The following TRUB1 variants were observed in gnomAD, a reference collection of about 807,000 sequenced individuals.
The protein encoded by TRUB1 is pseudouridylate synthase TRUB1.
TRUB1 carries 23 observed loss-of-function variants against 33.9 expected under a neutral mutation model. That is an observed-to-expected ratio of 0.68 (90% CI 0.49 to 0.96). The LOEUF (loss-of-function observed/expected upper bound fraction) is 0.96, where lower values mean the gene tolerates loss of function less well. Among genes scored for constraint, TRUB1 ranks in the 40% least tolerant of loss-of-function variants. The probability of loss-of-function intolerance (pLI) is 0.00; values close to 1 mark genes in which losing one functional copy is unlikely to be tolerated. For synonymous variants in TRUB1, 163 were observed against 165.4 expected (o/e 0.99, Z 0.11); for missense variants, 378 against 422.2 (o/e 0.90, Z 0.92).
intron 3 of TRUB1, among the ~76,000 whole-genome samples, chr10:114,953,341 A>G (rs1439599377): frequency 6.6e-6 from 1 of 152,210 alleles, no homozygotes. Context: ...AAAAATAGGC[A>G]TCGTTGTCTT....
rs1383943981 is a variant in TRUB1 at position 114,938,309 on chromosome 10, CCCCTGTCCTTGAAACTGCA to C, written c.57_75del (p.Pro20GlufsTer43). Reference sequence around the variant, plus strand: ...TCGCCGTCTTTGAAAACAGACACATCCCCTGTCCTTGAAACTGCAGGAACGGTCGCAGCAATGGCTGCGA... The same window carrying C: ...TCGCCGTCTTTGAAAACAGACACATCGGAACGGTCGCAGCAATGGCTGCGA... On this transcript the variant is annotated frameshift_variant, in exon 1 of 8. Transcript: ENST00000298746. LOFTEE classifies it high-confidence loss of function. 6.2e-7 allele frequency: 1 copy of C among 1,614,094 alleles called. No homozygotes were observed. The highest frequency in any genetic ancestry group is 8.5e-7 in the Non-Finnish European group (1 of 1,180,042).
chr10:114,945,611 A>G lies in TRUB1; in HGVS notation c.385+2868A>G, dbSNP rs558311705. ...TTGGCCTGTGGGCTGCACGTGGCCT[A>G]GGGCAGCTTTGAATGCAGCCCTACA... On this transcript the variant is annotated intron_variant, in intron 2 of 7. Coordinates refer to ENST00000298746, the MANE Select transcript of TRUB1 (RefSeq NM_139169.5). Among the ~76,000 whole-genome samples, 3 of 152,360 alleles carry G rather than the reference A, an allele frequency of 2.0e-5. No homozygotes were observed. The South Asian group carries it at 6.2e-4, about 32-fold the overall frequency.
At chr10:114,974,797 C>T (rs552337600) in intron 7 of TRUB1, among the ~76,000 whole-genome samples, 1 of 152,186 alleles carries the variant, frequency 6.6e-6, no homozygotes, top group African/African-American at 2.4e-5. Context: ...CATTTACTGG[C>T]AGTTGTCGCA....
At chr10:114,964,396 C>T (rs745732792) in intron 4 of TRUB1, among the ~76,000 whole-genome samples, 6 of 152,026 alleles carry the variant, frequency 3.9e-5, no homozygotes, top group Non-Finnish European at 7.4e-5. Flanking sequence ...ACCTTCCATT[C>T]GAGGATGCAT....
intron 1 of TRUB1, among the ~76,000 whole-genome samples, chr10:114,939,258 C>T (rs1028890807): frequency 4.6e-5 from 7 of 152,202 alleles, no homozygotes; most frequent in African/African-American, 1.7e-4. Context: ...CGTTAATCAG[C>T]TCGGATGATT....
intron 1 of TRUB1, among the ~76,000 whole-genome samples, chr10:114,942,212 G>C (rs2084190930): frequency 6.6e-6 from 1 of 152,174 alleles, no homozygotes; most frequent in Admixed American, 6.5e-5. Flanking sequence ...TAGGTAGCTG[G>C]AGATAGCAGC....
In TRUB1 at chr10:114,942,642, T is replaced by C. The variant is rs747477256; in HGVS notation, c.287-3T>C. ...CCTTTTTTCATCCCCATTTCTCTCA[T>C]AGAAGCTGGAATGCCTTCTCCAGAA... On this transcript the variant is annotated splice_region_variant and splice_polypyrimidine_tract_variant and intron_variant, in intron 1 of 7. Coordinates refer to ENST00000298746, the MANE Select transcript of TRUB1 (RefSeq NM_139169.5). 2.7e-5 allele frequency: 43 copies of C among 1,608,200 alleles called. No individual in the cohort carries two copies. The highest frequency in any genetic ancestry group is 3.3e-5 in the Admixed American group (2 of 59,992).
At chr10:114,955,364 A>G (rs2084257237) in intron 3 of TRUB1, among the ~76,000 whole-genome samples, 1 of 152,224 alleles carries the variant, frequency 6.6e-6, no homozygotes, top group African/African-American at 2.4e-5. Context: ...TGCTGTCTTT[A>G]TTAGTTTTCT....
chr10:114,961,221 G>A (rs60819960), intron 4 of TRUB1, among the ~76,000 whole-genome samples: 4,502 of 152,152 alleles, frequency 0.03, 217 homozygotes, highest in African/African-American at 0.1. Context: ...CAAGTCATGA[G>A]GCTCTTATAG....
rs538924906 is a variant in TRUB1, at chr10:114,974,418, T to C, written c.793+33T>C. 8.4e-6 allele frequency: 13 copies of C among 1,552,240 alleles called. No individual in the cohort carries two copies. In the Middle Eastern group the frequency reaches 5.1e-4, roughly 60 times the overall value. ...TAAAAATGAATTATGAATTATCATT[T>C]AGAGAATAATACTCCTTTTCAATTG... On this transcript the variant is annotated intron_variant, in intron 7 of 7. Transcript: ENST00000298746.
At chr10:114,941,337 CTTTT>C (rs34806644) in intron 1 of TRUB1, among the ~76,000 whole-genome samples, 1 of 147,142 alleles carries the variant, frequency 6.8e-6, no homozygotes. Context: ...TTTGCATTAT[CTTTT>C]TTTTTTTTTT....
At chr10:114,952,983 A>C (rs1432877639) in intron 3 of TRUB1, among the ~76,000 whole-genome samples, 2 of 152,218 alleles carry the variant, frequency 1.3e-5, no homozygotes, top group African/African-American at 4.8e-5. Flanking sequence ...ATAATAAAAA[A>C]GATATATTTA....
Position 114,975,573 on chromosome 10 carries a change from AGTT to A in TRUB1, c.*198_*200del. On this transcript the variant is annotated 3_prime_UTR_variant, in exon 8 of 8. Coordinates refer to ENST00000298746, the MANE Select transcript of TRUB1 (RefSeq NM_139169.5). ...TTATAAATGGCCTTGCAGTTGGCTC[AGTT>A]GTTTGTTGTGTTGTGAAATGTTTTA... The A allele has an allele frequency of 2.1e-6, 1 of 470,048 alleles. No homozygotes were observed. Among genetic ancestry groups the A allele is most frequent in the Non-Finnish European group, 3.6e-6 (1 of 275,216 alleles). 29.1% of individuals were successfully genotyped at this position (470,048 alleles called of 1,614,324 possible).
At chr10:114,957,787 A>T (rs1019343099) in intron 3 of TRUB1, among the ~76,000 whole-genome samples, 1 of 152,196 alleles carries the variant, frequency 6.6e-6, no homozygotes, top group Admixed American at 6.5e-5. Flanking sequence ...AATACTGCAG[A>T]TACATTCAAG....
At chr10:114,947,808 T>A (rs1471826444) in intron 2 of TRUB1, among the ~76,000 whole-genome samples, 2 of 152,258 alleles carry the variant, frequency 1.3e-5, no homozygotes. Flanking sequence ...TTGTCAGAAC[T>A]GATTTTGTGA....
At chr10:114,974,200 A>T in intron 6 of TRUB1, 129 bp from the exon 7 acceptor site, 1 of 704,226 alleles carries the variant, frequency 1.4e-6, no homozygotes, top group Non-Finnish European at 2.5e-6. Context: ...TTTATGTTTT[A>T]GTGCATAAAT....
chr10:114,957,355 T>C (rs538370731), intron 3 of TRUB1, among the ~76,000 whole-genome samples: 1 of 152,366 alleles, frequency 6.6e-6, no homozygotes, highest in African/African-American at 2.4e-5. Context: ...TCTGCAGTAG[T>C]TGTGTTTATT....
At chr10:114,973,330 A>G (rs980311963) in intron 6 of TRUB1, among the ~76,000 whole-genome samples, 3 of 152,192 alleles carry the variant, frequency 2.0e-5, no homozygotes, top group Non-Finnish European at 4.4e-5. Context: ...TTTAAGTCAG[A>G]AATATTTTAT....
At chr10:114,968,137 GAATA>G (rs1347402001) in intron 4 of TRUB1, among the ~76,000 whole-genome samples, 5 of 152,020 alleles carry the variant, frequency 3.3e-5, no homozygotes, top group Admixed American at 3.3e-4. Context: ...AATATAGAAA[GAATA>G]GTTAAAAAAT....
Sources: gnomAD v4.1 joint callset for allele counts (sites outside exome capture counted in the v4.1 genomes callset) on GRCh38, gnomAD v4.1.1 for gene constraint, MANE v1.5 for transcripts, NCBI Gene and HGNC (gene_info 2026-07-23, HGNC 2026-07-21) for gene names.